CLNK: variants seen among roughly 807,000 people sequenced by gnomAD.
CLNK encodes cytokine-dependent hematopoietic cell linker.
In CLNK, 74 loss-of-function variants were observed where a neutral mutation model predicts 68.6. That is an observed-to-expected ratio of 1.08 (90% confidence interval 0.89 to 1.31). CLNK has a LOEUF of 1.31. Ranked by LOEUF, CLNK falls within the 50% of genes most tolerant of loss-of-function variation. CLNK has a pLI of 0.00. For synonymous variants in CLNK, 198 were observed against 172.2 expected (o/e 1.15, Z -1.17); for missense variants, 553 against 515.3 (o/e 1.07, Z -0.71).
At chr4:10,608,429 T>C (rs776460275) in intron 2 of CLNK, among the ~76,000 whole-genome samples, 7 of 152,176 alleles carry the variant, frequency 4.6e-5, no homozygotes, top group Non-Finnish European at 7.4e-5. Context: ...TCCTTTCCAA[T>C]AATCTTTCCC....
Position 10,560,398 on chromosome 4 carries a change from T to G in CLNK, c.400-1946A>C, listed in dbSNP as rs567204417. On this transcript the variant is annotated intron_variant, in intron 7 of 18. Coordinates refer to ENST00000226951, the MANE Select transcript of CLNK (RefSeq NM_052964.4). Reference sequence around the variant, plus strand: ...AAGAACTGGCCTTTGTAAAAATTATTGAAGATCCATTTCTTTTTTTCTTTC... The same window carrying G: ...AAGAACTGGCCTTTGTAAAAATTATGGAAGATCCATTTCTTTTTTTCTTTC... Among the ~76,000 whole-genome samples, 3 of 152,308 alleles carry G rather than the reference T, an allele frequency of 2.0e-5. No homozygotes were observed. In the South Asian group the frequency reaches 6.2e-4, roughly 32 times the overall value.
the CLNK span, among the ~76,000 whole-genome samples, chr4:10,731,436 C>T: frequency 1.2e-4 from 18 of 152,282 alleles, no homozygotes; most frequent in Admixed American, 1.2e-3. Context: ...TTTTTAGCCA[C>T]ATCTTTTGTT....
At chr4:10,690,737 G>A in the CLNK span, among the ~76,000 whole-genome samples, 1 of 152,088 alleles carries the variant, frequency 6.6e-6, no homozygotes, top group Admixed American at 6.6e-5. Context: ...GACTATACCA[G>A]TCTCGGAGTC....
the CLNK span, among the ~76,000 whole-genome samples, chr4:10,726,322 T>C: frequency 3.9e-5 from 6 of 152,224 alleles, no homozygotes; most frequent in African/African-American, 1.4e-4. Context: ...GGTTTCACCA[T>C]GTTGGCCAGG....
At chr4:10,539,089 T>C (rs1217364769) in intron 11 of CLNK, among the ~76,000 whole-genome samples, 1 of 152,210 alleles carries the variant, frequency 6.6e-6, no homozygotes, top group Non-Finnish European at 1.5e-5. Flanking sequence ...CTTTTCATTA[T>C]AGCTTACCCA....
chr4:10,536,198 A>T (rs1718754902), intron 11 of CLNK, among the ~76,000 whole-genome samples: 1 of 152,202 alleles, frequency 6.6e-6, no homozygotes, highest in Non-Finnish European at 1.5e-5. Context: ...TGATTGCCAG[A>T]TGTAAATCAT....
At chr4:10,531,000 T>A (rs1006211191) in intron 12 of CLNK, among the ~76,000 whole-genome samples, 2 of 152,238 alleles carry the variant, frequency 1.3e-5, no homozygotes, top group Non-Finnish European at 2.9e-5. Flanking sequence ...TTAGGGGTAA[T>A]AAATGTCTCG....
intron 11 of CLNK, among the ~76,000 whole-genome samples, chr4:10,535,231 G>GAAAGAAAGAAAGAAAGAAAGAAAA (rs1379050785): frequency 4.0e-5 from 4 of 99,342 alleles, no homozygotes; most frequent in Admixed American, 3.4e-4. Context: ...AAGAAAGAAA[G>GAAAGAAAGAAAGAAAGAAAGAAAA]AAAGAAAGAA....
chr4:10,643,276 T>A (rs61796797), intron 2 of CLNK, among the ~76,000 whole-genome samples: 6,285 of 152,338 alleles, frequency 0.041, 186 homozygotes, highest in Middle Eastern at 0.099. Context: ...TCAGTTTCTG[T>A]TCAACTTTTA....
intron 2 of CLNK, among the ~76,000 whole-genome samples, chr4:10,616,657 G>A (rs371459940): frequency 2.0e-5 from 3 of 152,000 alleles, no homozygotes; most frequent in African/African-American, 7.2e-5. Flanking sequence ...CATTCTATGA[G>A]AAGGAACTGA....
intron 16 of CLNK, 64 bp from the exon 17 acceptor site, chr4:10,508,100 T>C: frequency 2.3e-6 from 3 of 1,294,830 alleles, no homozygotes; most frequent in Non-Finnish European, 3.3e-6. Flanking sequence ...ATTGATTAAT[T>C]AATTCAAAAT....
chr4:10,490,187 G>GT lies in CLNK; in HGVS notation c.*279dup, dbSNP rs974297260. On this transcript the variant is annotated 3_prime_UTR_variant, in exon 19 of 19. Transcript: ENST00000226951. Reference sequence around the variant, plus strand: ...TATGTTTATAGTATTTTTTGTTGTTGTTTTTTAGAAGATACTTTTAAAACC... The same window carrying GT: ...TATGTTTATAGTATTTTTTGTTGTTGTTTTTTTAGAAGATACTTTTAAAACC... 15 of 309,882 alleles carry GT rather than the reference G, an allele frequency of 4.8e-5. No individual in the cohort carries two copies. The highest frequency in any genetic ancestry group is 2.2e-4 in the African/African-American group (10 of 45,798). The allele number at this position is 309,882 out of a possible 1,614,324, so 19.2% of individuals were successfully genotyped here. A position where few individuals can be genotyped will look rare whatever the true frequency, so the allele number is the denominator to read the frequency against.
intron 3 of CLNK, among the ~76,000 whole-genome samples, chr4:10,595,077 G>A (rs1159821467): frequency 2.0e-5 from 3 of 151,924 alleles, no homozygotes; most frequent in African/African-American, 4.8e-5. Context: ...GTGAAACCCC[G>A]TCTCAAAAAA....
upstream of CLNK, among the ~76,000 whole-genome samples, chr4:10,688,367 T>C (rs540167850): frequency 6.6e-6 from 1 of 152,202 alleles, no homozygotes; most frequent in Admixed American, 6.5e-5. Flanking sequence ...GTAGATCATG[T>C]GGAAGAATTA....
At chr4:10,530,074 C>T (rs1265457820) in intron 12 of CLNK, among the ~76,000 whole-genome samples, 2 of 151,128 alleles carry the variant, frequency 1.3e-5, no homozygotes, top group African/African-American at 2.4e-5. Context: ...TCATTCCTTC[C>T]TTCCGTATTC....
rs534938875 is a variant in CLNK at position 10,675,866 on chromosome 4, T to C, written c.-42-7955A>G. 3.9e-5 allele frequency among the ~76,000 whole-genome samples: 6 copies of C among 152,304 alleles called. No homozygotes were observed. In the South Asian group the frequency reaches 1.2e-3, roughly 32 times the overall value. ...GGTCAAGGCTCAAGAATAAGGTCTA[T>C]ATTAAGGCTTAAGGCTTTCTTTTAT... On this transcript the variant is annotated intron_variant, in intron 1 of 18. Coordinates refer to ENST00000226951, the MANE Select transcript of CLNK (RefSeq NM_052964.4).
chr4:10,711,391 G>A, the CLNK span, among the ~76,000 whole-genome samples: 1 of 152,174 alleles, frequency 6.6e-6, no homozygotes, highest in East Asian at 1.9e-4. Context: ...CAATACTGCA[G>A]AGTCACAGAA....
At chr4:10,712,017 T>C in the CLNK span, among the ~76,000 whole-genome samples, 1 of 152,190 alleles carries the variant, frequency 6.6e-6, no homozygotes, top group Non-Finnish European at 1.5e-5. Flanking sequence ...CGGCATCTGC[T>C]AGATCACATG....
intron 2 of CLNK, among the ~76,000 whole-genome samples, chr4:10,606,676 A>T (rs1417912882): frequency 6.6e-6 from 1 of 152,240 alleles, no homozygotes; most frequent in Non-Finnish European, 1.5e-5. Flanking sequence ...ACTAGGTGAT[A>T]GGAAGTTTGC....
Sources: gnomAD v4.1 joint callset for allele counts (sites outside exome capture counted in the v4.1 genomes callset) on GRCh38, gnomAD v4.1.1 for gene constraint, MANE v1.5 for transcripts, NCBI Gene and HGNC (gene_info 2026-07-23, HGNC 2026-07-21) for gene names.